Variants in RIT2 observed in about 807,000 individuals in gnomAD.
RIT2 encodes Ras like without CAAX 2, also known as GTP-binding protein Rit2.
Under a neutral mutation model 23.7 loss-of-function variants are expected in RIT2, and 24 were observed. The ratio of observed to expected loss-of-function variants is 1.01; its 90% CI spans 0.73 to 1.43. The LOEUF (loss-of-function observed/expected upper bound fraction) is 1.43, where lower values mean the gene tolerates loss of function less well. Ranked by LOEUF, RIT2 falls within the 40% of genes most tolerant of loss-of-function variation. RIT2 has a pLI of 0.00. For synonymous variants in RIT2, 107 were observed against 91.1 expected (o/e 1.17, Z -0.99); for missense variants, 236 against 266.9 (o/e 0.88, Z 0.81).
chr18:43,064,295 G>C (rs906941334), intron 1 of RIT2, among the ~76,000 whole-genome samples: 3 of 152,160 alleles, frequency 2.0e-5, no homozygotes, highest in Non-Finnish European at 4.4e-5. Context: ...AAAAACATTT[G>C]TTAAGCGTTG....
At chr18:43,002,769 C>T (rs972594767) in intron 2 of RIT2, among the ~76,000 whole-genome samples, 11 of 151,994 alleles carry the variant, frequency 7.2e-5, no homozygotes, top group Non-Finnish European at 1.3e-4. Context: ...GTCTTAATCC[C>T]CAAAATCTAG....
chr18:42,935,688 G>A (rs533489920), intron 3 of RIT2, among the ~76,000 whole-genome samples: 46 of 152,236 alleles, frequency 3.0e-4, no homozygotes, highest in Admixed American at 5.2e-4. Context: ...GGTTCTTGGC[G>A]TGTGGAACAA....
At chr18:42,929,034 G>GATAGATATATAT (rs1555647354) in intron 3 of RIT2, among the ~76,000 whole-genome samples, 13 of 96,946 alleles carry the variant, frequency 1.3e-4, no homozygotes, top group African/African-American at 4.0e-4. Flanking sequence ...AAAATATGGA[G>GATAGATATATAT]ATATATATAT....
At chr18:42,987,182 G>T (rs1013052150) in intron 2 of RIT2, among the ~76,000 whole-genome samples, 2 of 152,138 alleles carry the variant, frequency 1.3e-5, no homozygotes, top group African/African-American at 4.8e-5. Flanking sequence ...GTATGTGTGT[G>T]CGTACGTATA....
chr18:42,888,392 G>C (rs1220686171), intron 4 of RIT2, among the ~76,000 whole-genome samples: 2 of 151,946 alleles, frequency 1.3e-5, no homozygotes, highest in East Asian at 3.9e-4. Context: ...GTAATGCTAG[G>C]TTGAATGGTA....
intron 1 of RIT2, among the ~76,000 whole-genome samples, chr18:43,095,110 A>G (rs894101949): frequency 6.6e-6 from 1 of 152,072 alleles, no homozygotes; most frequent in African/African-American, 2.4e-5. Context: ...TGGTATTTCT[A>G]GTTCTAGATC....
At chr18:42,992,395 C>T (rs1003544247) in intron 2 of RIT2, among the ~76,000 whole-genome samples, 1 of 152,098 alleles carries the variant, frequency 6.6e-6, no homozygotes, top group Non-Finnish European at 1.5e-5. Context: ...CATTCTTTTA[C>T]ACATCGGTCC....
At chr18:42,930,380 A>T (rs1161519548) in intron 3 of RIT2, among the ~76,000 whole-genome samples, 2 of 152,136 alleles carry the variant, frequency 1.3e-5, no homozygotes, top group Non-Finnish European at 2.9e-5. Context: ...CAATAAAAAA[A>T]AATGAAGAGA....
chr18:43,014,289 G>A (rs1478953959), intron 2 of RIT2, among the ~76,000 whole-genome samples: 2 of 151,750 alleles, frequency 1.3e-5, no homozygotes, highest in Admixed American at 1.3e-4. Flanking sequence ...GAGAGGCATT[G>A]ATATTAAGTA....
chr18:42,917,848 T>C (rs1555646630), intron 4 of RIT2, among the ~76,000 whole-genome samples: 9 of 151,998 alleles, frequency 5.9e-5, no homozygotes, highest in Admixed American at 5.3e-4. Flanking sequence ...CACTCCGGAG[T>C]TGTGCTCAAT....
chr18:42,808,895 A>T (rs901885424), intron 4 of RIT2, among the ~76,000 whole-genome samples: 4 of 152,144 alleles, frequency 2.6e-5, no homozygotes, highest in Non-Finnish European at 5.9e-5. Flanking sequence ...AATAATATTG[A>T]TACCAGAAAT....
At chr18:42,800,582 G>A (rs534087861) in intron 4 of RIT2, among the ~76,000 whole-genome samples, 1 of 150,086 alleles carries the variant, frequency 6.7e-6, no homozygotes, top group East Asian at 2.0e-4. Flanking sequence ...GAGTGCTGGC[G>A]TGGAGTGGCG....
chr18:42,913,532 A>G (rs1908826682), intron 4 of RIT2, among the ~76,000 whole-genome samples: 1 of 152,014 alleles, frequency 6.6e-6, no homozygotes, highest in Non-Finnish European at 1.5e-5. Context: ...TAAACTTAAA[A>G]AAGAAACAAT....
chr18:42,953,416 G>T lies in RIT2; in HGVS notation c.234+20658C>A, dbSNP rs564502431. Among the ~76,000 whole-genome samples, 5 of 152,234 alleles carry T rather than the reference G, an allele frequency of 3.3e-5. No homozygotes were observed. In the East Asian group the frequency reaches 5.8e-4, roughly 18 times the overall value. On this transcript the variant is annotated intron_variant, in intron 3 of 4. Transcript: ENST00000326695. ...TCTCAGTGGCACCCTAAAAGTGAGT[G>T]ATACAGAGGTAAGGCCAGGAACAGC...
At chr18:42,863,428 C>T (rs757523684) in intron 4 of RIT2, among the ~76,000 whole-genome samples, 57 of 152,050 alleles carry the variant, frequency 3.7e-4, no homozygotes, top group Admixed American at 5.9e-4. Context: ...GTTAAATATA[C>T]CAATATTTAA....
chr18:43,075,917 T>C (rs1238025482), intron 1 of RIT2, among the ~76,000 whole-genome samples: 1 of 152,218 alleles, frequency 6.6e-6, no homozygotes, highest in Non-Finnish European at 1.5e-5. Flanking sequence ...ATTTCCTTTC[T>C]GGCTTTAGTG....
intron 2 of RIT2, among the ~76,000 whole-genome samples, chr18:42,981,672 T>A (rs1407461761): frequency 6.6e-6 from 1 of 151,786 alleles, no homozygotes; most frequent in Non-Finnish European, 1.5e-5. Context: ...AAAAAAAAAT[T>A]AAAAATATTA....
intron 3 of RIT2, among the ~76,000 whole-genome samples, chr18:42,958,349 TTC>T (rs1910021301): frequency 6.6e-6 from 1 of 152,198 alleles, no homozygotes; most frequent in Non-Finnish European, 1.5e-5. Flanking sequence ...ATATGTACCC[TTC>T]TGGTGCCTAC....
At chr18:42,911,830 G>A (rs1908777261) in intron 4 of RIT2, among the ~76,000 whole-genome samples, 1 of 151,770 alleles carries the variant, frequency 6.6e-6, no homozygotes, top group Non-Finnish European at 1.5e-5. Context: ...TCCAGGCCCA[G>A]ATGGTTTCAC....
Sources: allele counts gnomAD v4.1 joint callset (sites outside exome capture counted in the v4.1 genomes callset), GRCh38; gene constraint gnomAD v4.1.1; transcripts MANE v1.5; gene names NCBI Gene and HGNC (gene_info 2026-07-23, HGNC 2026-07-21).